The following DPY30 variants were observed in gnomAD, a reference collection of about 807,000 sequenced individuals.
The protein encoded by DPY30 is protein dpy-30 homolog.
A neutral mutation model predicts 16.2 loss-of-function variants in DPY30; 6 were observed. That is an observed-to-expected ratio of 0.37 (90% CI 0.20 to 0.73). The LOEUF is 0.73. DPY30 is among the 30% of genes least tolerant of loss of function. The pLI is 0.51. For synonymous variants in DPY30, 39 were observed against 38.8 expected (o/e 1.00, Z -0.02); for missense variants, 73 against 113.1 (o/e 0.65, Z 1.61).
downstream of DPY30, among the ~76,000 whole-genome samples, chr2:32,022,013 C>T (rs1675194697): frequency 6.6e-6 from 1 of 151,884 alleles, no homozygotes; most frequent in Non-Finnish European, 1.5e-5. Flanking sequence ...AATTCGAGAC[C>T]AGCCTGGCCA....
chr2:32,013,964 T>C (rs983445896), intron 5 of DPY30, among the ~76,000 whole-genome samples: 3 of 148,802 alleles, frequency 2.0e-5, no homozygotes, highest in Non-Finnish European at 3.0e-5. Context: ...GCCGAGATCA[T>C]GCCATTGCAC....
At chr2:32,032,181 T>G (rs776683817) in intron 3 of DPY30, among the ~76,000 whole-genome samples, 9 of 152,190 alleles carry the variant, frequency 5.9e-5, no homozygotes, top group Non-Finnish European at 1.0e-4. Flanking sequence ...CTTATAATTT[T>G]TCAATCTAAT....
chr2:32,036,247 G>A (rs935715608), intron 3 of DPY30, among the ~76,000 whole-genome samples: 1 of 151,790 alleles, frequency 6.6e-6, no homozygotes. Context: ...CAACGGGCTG[G>A]GATTACAGGC....
At chr2:32,037,480 A>AT (rs1270429423) in intron 3 of DPY30, among the ~76,000 whole-genome samples, 1 of 150,890 alleles carries the variant, frequency 6.6e-6, no homozygotes, top group Non-Finnish European at 1.5e-5. Flanking sequence ...TAATTTTTCT[A>AT]TTTTTTTGTA....
intron 1 of DPY30, 86 bp from the exon 2 acceptor site, chr2:32,039,578 G>T (rs1675886900): frequency 7.4e-7 from 1 of 1,344,646 alleles, no homozygotes; most frequent in Non-Finnish European, 1.0e-6. Context: ...CCCCGACCCC[G>T]CCCCTCACCC....
At chr2:32,016,247 C>G (rs1675062633) in intron 5 of DPY30, among the ~76,000 whole-genome samples, 2 of 152,120 alleles carry the variant, frequency 1.3e-5, no homozygotes, top group Admixed American at 6.6e-5. Flanking sequence ...ACCAACTACC[C>G]CTTTTATCAC....
chr2:32,014,413 A>G (rs1372737172), intron 5 of DPY30, among the ~76,000 whole-genome samples: 1 of 152,108 alleles, frequency 6.6e-6, no homozygotes, highest in Non-Finnish European at 1.5e-5. Context: ...GCTTTAGCCC[A>G]GGAGTTTGAG....
chr2:32,011,781 T>C (rs1404690168), downstream of DPY30: 1 of 152,268 alleles, frequency 6.6e-6, no homozygotes, highest in Non-Finnish European at 1.5e-5. Context: ...TGCATGGGCA[T>C]GGTACCTCCT....
chr2:32,035,124 T>C (rs1034583393), intron 3 of DPY30, among the ~76,000 whole-genome samples: 1 of 143,516 alleles, frequency 7.0e-6, no homozygotes, highest in African/African-American at 2.6e-5. Context: ...AAAAAAAAAA[T>C]TATAATGTAT....
At chr2:32,017,967 A>G (rs1675095867) in intron 5 of DPY30, among the ~76,000 whole-genome samples, 1 of 152,204 alleles carries the variant, frequency 6.6e-6, no homozygotes, top group African/African-American at 2.4e-5. Flanking sequence ...GTCCATGTCC[A>G]CAATGTGAAG....
rs1396316997 is a variant in DPY30 at position 32,012,432 on chromosome 2, T to C, written n.378-380A>G. On this transcript the variant is annotated intron_variant and non_coding_transcript_variant, in intron 5 of 5. Transcript: ENST00000414013. The stretch of plus-strand genomic sequence containing the variant: ...TCTCTCTTTTTTCTTTTTTTTTTTT[T>C]TTTTTTTTTTTTTTTTGAGACAGAG... 1.8e-3 allele frequency among the ~76,000 whole-genome samples: 241 copies of C among 130,320 alleles called. 2 individuals carry two copies. The highest frequency in any genetic ancestry group is 6.7e-3 in the African/African-American group (228 of 34,242). The allele number at this position is 130,320 out of a possible 152,430, so 85.5% of individuals were successfully genotyped here.
At chr2:32,039,195 T>C (rs1438656102) in intron 3 of DPY30, 84 bp downstream of exon 3, 8 of 1,555,926 alleles carry the variant, frequency 5.1e-6, no homozygotes, top group Middle Eastern at 1.7e-4. Flanking sequence ...CCCTTGTGCA[T>C]AGCCACCTAG....
chr2:32,025,441 C>T (rs532783530), intron 4 of DPY30, among the ~76,000 whole-genome samples: 8 of 151,248 alleles, frequency 5.3e-5, no homozygotes, highest in African/African-American at 7.3e-5. Context: ...CCAGCCTGGG[C>T]GACAGAGCAA....
intron 5 of DPY30, among the ~76,000 whole-genome samples, chr2:32,018,699 G>A (rs1481605480): frequency 2.6e-5 from 4 of 151,556 alleles, no homozygotes; most frequent in African/African-American, 4.9e-5. Context: ...CAGCATGGGC[G>A]AGAGAGCGAG....
chr2:32,032,225 A>G lies in DPY30; in HGVS notation c.85-2489T>C, dbSNP rs185402673. On this transcript the variant is annotated intron_variant, in intron 3 of 4. Transcript: ENST00000342166. The stretch of plus-strand genomic sequence containing the variant: ...TAAAAGATAATTTTCTATGAAATAC[A>G]AAGTTTTTTAATCTATAAAATACTA... Among the ~76,000 whole-genome samples the G allele has an allele frequency of 2.0e-5, 3 of 152,340 alleles. No homozygotes were observed. The East Asian group carries it at 5.8e-4, about 29-fold the overall frequency.
chr2:32,012,419 C>CTTTTTTTTTTTTTTT (rs397984233), intron 5 of DPY30, among the ~76,000 whole-genome samples: 2 of 81,692 alleles, frequency 2.4e-5, no homozygotes, highest in Non-Finnish European at 4.8e-5. Flanking sequence ...TCTCTTTTTT[C>CTTTTTTTTTTTTTTT]TTTTTTTTTT....
intron 3 of DPY30, among the ~76,000 whole-genome samples, chr2:32,034,974 G>A (rs1350261820): frequency 2.6e-5 from 4 of 151,772 alleles, no homozygotes; most frequent in Non-Finnish European, 5.9e-5. Flanking sequence ...CAGCCTGGGC[G>A]ACAAGAGCAA....
At chr2:32,031,540 T>C in intron 3 of DPY30, among the ~76,000 whole-genome samples, 1 of 152,048 alleles carries the variant, frequency 6.6e-6, no homozygotes, top group Non-Finnish European at 1.5e-5. Context: ...GTGGTTGCAG[T>C]GAGCTGAGGT....
At chr2:32,038,285 A>G (rs1488013312) in intron 3 of DPY30, among the ~76,000 whole-genome samples, 1 of 150,438 alleles carries the variant, frequency 6.6e-6, no homozygotes, top group East Asian at 2.0e-4. Context: ...TGGGATTAGT[A>G]GAGAGGAGGT....
Sources: allele counts gnomAD v4.1 joint callset (sites outside exome capture counted in the v4.1 genomes callset), GRCh38; gene constraint gnomAD v4.1.1; transcripts MANE v1.5; gene names NCBI Gene and HGNC (gene_info 2026-07-23, HGNC 2026-07-21).